FKBP15: variants seen among roughly 807,000 people sequenced by gnomAD.
FKBP15 encodes the protein FKBP prolyl isomerase family member 15.
In FKBP15, 106 loss-of-function variants were observed where a neutral mutation model predicts 158.1. That is an observed-to-expected ratio of 0.67 (90% CI 0.57 to 0.79). The LOEUF is 0.79. Among genes scored for constraint, FKBP15 ranks in the 30% least tolerant of loss-of-function variants. FKBP15 has a pLI of 0.00. For synonymous variants in FKBP15, 547 were observed against 548.6 expected (o/e 1.00, Z 0.04); for missense variants, 1,287 against 1,479.1 (o/e 0.87, Z 2.13).
At chr9:113,200,609 C>T (rs1032915423) in intron 6 of FKBP15, among the ~76,000 whole-genome samples, 7 of 151,962 alleles carry the variant, frequency 4.6e-5, no homozygotes, top group African/African-American at 1.7e-4. Context: ...TATTCTTGGG[C>T]TTGTGTTTTA....
intron 1 of FKBP15, 91 bp downstream of exon 1, chr9:113,221,100 G>C (rs1831244458): frequency 7.2e-7 from 1 of 1,392,244 alleles, no homozygotes; most frequent in South Asian, 1.4e-5. Flanking sequence ...CCGGAAGTTG[G>C]GAAAAGGCCT....
At chr9:113,180,963 G>T (rs1279664913) in intron 19 of FKBP15, among the ~76,000 whole-genome samples, 1 of 152,124 alleles carries the variant, frequency 6.6e-6, no homozygotes, top group Non-Finnish European at 1.5e-5. Context: ...CCCTTTAAAA[G>T]GAGAGATCAC....
At chr9:113,172,604 A>C (rs947611560) in intron 23 of FKBP15, among the ~76,000 whole-genome samples, 1 of 152,180 alleles carries the variant, frequency 6.6e-6, no homozygotes, top group East Asian at 1.9e-4. Flanking sequence ...CTATCTCCTC[A>C]TCATTCGACT....
chr9:113,219,717 T>A (rs1267220222), intron 1 of FKBP15, among the ~76,000 whole-genome samples: 21 of 152,212 alleles, frequency 1.4e-4, no homozygotes, highest in Admixed American at 1.4e-3. Flanking sequence ...CCCATAATTT[T>A]CAGTCAGCTT....
chr9:113,180,793 C>G (rs1030310940), intron 19 of FKBP15, among the ~76,000 whole-genome samples: 1 of 152,142 alleles, frequency 6.6e-6, no homozygotes, highest in East Asian at 1.9e-4. Context: ...AATAGCTCTT[C>G]CAGTTTTAGC....
At chr9:113,210,005 G>C (rs1830967856) in intron 2 of FKBP15, among the ~76,000 whole-genome samples, 1 of 152,224 alleles carries the variant, frequency 6.6e-6, no homozygotes, top group African/African-American at 2.4e-5. Context: ...CAGCTAACCT[G>C]TCCAGATAAA....
rs1466574886 is a variant in FKBP15 at position 113,211,602 on chromosome 9, G to GA, written c.54-11dup. On this transcript the variant is annotated splice_polypyrimidine_tract_variant and intron_variant, in intron 1 of 27. Transcript: ENST00000238256. ...TGAGGCCAATCTGGCACTGTTAGTAGAAAATGAAAAATGAAATTTCACTGA... is the reference window on the plus strand; with the variant it reads ...TGAGGCCAATCTGGCACTGTTAGTAGAAAAATGAAAAATGAAATTTCACTGA... The GA allele has an allele frequency of 6.4e-7, 1 of 1,567,736 alleles. No homozygotes were observed. The highest frequency in any genetic ancestry group is 1.2e-5 in the South Asian group (1 of 85,580).
At position 113,163,040 on chromosome 9, in the gene FKBP15, A is replaced by G; in HGVS notation, c.*3038T>C. The stretch of plus-strand genomic sequence containing the variant: ...TCCACCTTATTCCCAGCCCCTGGAA[A>G]CTTTGAGCTGAAGCCAGCACTTGCT... On this transcript the variant is annotated 3_prime_UTR_variant, in exon 28 of 28. Transcript: ENST00000238256. 1 of 985,898 alleles carries G rather than the reference A, an allele frequency of 1.0e-6. No individual in the cohort carries two copies. The highest frequency in any genetic ancestry group is 1.4e-6 in the Non-Finnish European group (1 of 708,080). 61.1% of individuals were successfully genotyped at this position (985,898 alleles called of 1,614,324 possible). A position where few individuals can be genotyped will look rare whatever the true frequency, so the allele number is the denominator to read the frequency against.
chr9:113,193,080 GT>G (rs1830605038), intron 11 of FKBP15, among the ~76,000 whole-genome samples: 3 of 152,158 alleles, frequency 2.0e-5, no homozygotes, highest in Non-Finnish European at 4.4e-5. Flanking sequence ...GGGACTATGA[GT>G]TCCTTTTAAC....
chr9:113,187,578 C>T (rs1830506342), intron 14 of FKBP15: 1 of 555,836 alleles, frequency 1.8e-6, no homozygotes, highest in Admixed American at 3.2e-5. Flanking sequence ...ACTAGGGGCT[C>T]TACTTGTTCT....
chr9:113,200,076 A>ATC, intron 6 of FKBP15, 113 bp from the exon 7 acceptor site: 1 of 1,243,226 alleles, frequency 8.0e-7, no homozygotes, highest in Non-Finnish European at 1.1e-6. Context: ...AACAGATTAC[A>ATC]TGTTTAGAAG....
intron 24 of FKBP15, among the ~76,000 whole-genome samples, chr9:113,170,849 T>C (rs1027946831): frequency 9.2e-5 from 14 of 152,148 alleles, no homozygotes; most frequent in Non-Finnish European, 1.8e-4. Context: ...GAGTTACCTA[T>C]CAAGGGCAGG....
rs376372214 is a variant in FKBP15, at chr9:113,171,586, C to T, written c.2653G>A (p.Glu885Lys). The change falls in exon 24 of 28, where the codon GAG becomes AAG. Residue 885 changes from glutamate (E) to lysine (K), a missense_variant. Glu to Lys is a moderately conservative substitution (Grantham distance 56, BLOSUM62 1). Transcript: ENST00000238256. ...GVEAAASDPS[E>K]KVKKIMNQVF... ...CATTTGAAATACCAGCTCACCTTCT[C>T]TGAGGGGTCAGATGCAGCAGCTTCA... 4.4e-6 allele frequency: 7 copies of T among 1,607,832 alleles called. No individual in the cohort carries two copies. The African/African-American group carries it at 9.3e-5, about 21-fold the overall frequency.
intron 2 of FKBP15, among the ~76,000 whole-genome samples, chr9:113,210,337 T>TC (rs1830976134): frequency 1.4e-5 from 2 of 147,508 alleles, no homozygotes; most frequent in African/African-American, 5.0e-5. Context: ...GATGGCTTTT[T>TC]TTTTTTTTTT....
At chr9:113,211,374 G>A (rs1418564393) in intron 2 of FKBP15, 103 bp downstream of exon 2, 2 of 798,776 alleles carry the variant, frequency 2.5e-6, no homozygotes, top group Non-Finnish European at 3.8e-6. Flanking sequence ...GGCCAGGCTG[G>A]TCTCAAACTC....
chr9:113,212,783 G>A (rs1278623328), intron 1 of FKBP15, among the ~76,000 whole-genome samples: 4 of 152,060 alleles, frequency 2.6e-5, no homozygotes, highest in Non-Finnish European at 5.9e-5. Context: ...CCTTGGTAGG[G>A]TTTCATACTG....
chr9:113,197,376 G>C (rs1013154928), intron 8 of FKBP15, among the ~76,000 whole-genome samples: 2 of 152,014 alleles, frequency 1.3e-5, no homozygotes, highest in Non-Finnish European at 1.5e-5. Context: ...TCATTAAAAA[G>C]CATGTTTTTG....
At chr9:113,181,871 C>G (rs1411100356) in intron 19 of FKBP15, among the ~76,000 whole-genome samples, 1 of 152,150 alleles carries the variant, frequency 6.6e-6, no homozygotes, top group Non-Finnish European at 1.5e-5. Flanking sequence ...AACAATGTTA[C>G]AGGCTGCTGA....
At chr9:113,215,485 A>G (rs1587979096) in intron 1 of FKBP15, among the ~76,000 whole-genome samples, 2 of 152,110 alleles carry the variant, frequency 1.3e-5, no homozygotes, top group East Asian at 3.9e-4. Context: ...CAACAATTAC[A>G]GTAACACCAA....
Sources: allele counts gnomAD v4.1 joint callset (sites outside exome capture counted in the v4.1 genomes callset), GRCh38; gene constraint gnomAD v4.1.1; transcripts MANE v1.5; gene names NCBI Gene and HGNC (gene_info 2026-07-23, HGNC 2026-07-21).